The following TSPAN11 variants were observed in gnomAD, a reference collection of about 807,000 sequenced individuals.
TSPAN11 encodes the protein tetraspanin 11, also known as tetraspanin-11.
Under a neutral mutation model 32.9 loss-of-function variants are expected in TSPAN11, and 29 were observed. The ratio of observed to expected loss-of-function variants is 0.88; its 90% CI spans 0.66 to 1.20. TSPAN11 has a LOEUF of 1.20. Among genes scored for constraint, TSPAN11 ranks in the 50% most tolerant of loss-of-function variants. The pLI, the probability that TSPAN11 is intolerant of heterozygous loss-of-function variation, is 0.00. For synonymous variants in TSPAN11, 140 were observed against 141.3 expected, an observed-to-expected ratio of 0.99 and a Z score of 0.07; for missense variants, 283 against 329.1, an observed-to-expected ratio of 0.86 and a Z score of 1.08.
intron 1 of TSPAN11, among the ~76,000 whole-genome samples, chr12:30,927,511 T>C (rs1031129358): frequency 2.0e-5 from 3 of 151,836 alleles, no homozygotes; most frequent in Non-Finnish European, 2.9e-5. Flanking sequence ...TTAACTTGAG[T>C]CTAAGCTGCT....
At position 30,963,941 on chromosome 12, in the gene TSPAN11, C is replaced by G. The variant is rs145078714; in HGVS notation, c.200C>G (p.Ala67Gly). Reference sequence around the variant, plus strand: ...GCCTCCGCCTACATCCTCATCTTTGCGGGCGTACTTGTCATGGTGACCGGC... The same window carrying G: ...GCCTCCGCCTACATCCTCATCTTTGGGGGCGTACTTGTCATGGTGACCGGC... ...FAASAYILIF[A>G]GVLVMVTGFL... is the part of the protein sequence containing the mutation. Residue 67 changes from alanine (A) to glycine (G), a missense_variant, in exon 3 of 8, where the codon GCG becomes GGG. Ala to Gly is a moderately conservative substitution (Grantham distance 60). Coordinates refer to ENST00000546076, the MANE Select transcript of TSPAN11 (RefSeq NM_001370302.1). The G allele has an allele frequency of 8.7e-6, 14 of 1,614,046 alleles. No homozygotes were observed. Among genetic ancestry groups the G allele is most frequent in the Non-Finnish European group, 1.2e-5 (14 of 1,180,024 alleles).
chr12:30,944,885 C>T (rs1402808911), intron 1 of TSPAN11, among the ~76,000 whole-genome samples: 1 of 152,350 alleles, frequency 6.6e-6, no homozygotes, highest in African/African-American at 2.4e-5. Context: ...AGTCCCCCAA[C>T]CTGAGCTTTT....
At chr12:30,987,755 G>A (rs1939228165) in intron 7 of TSPAN11, among the ~76,000 whole-genome samples, 1 of 152,184 alleles carries the variant, frequency 6.6e-6, no homozygotes, top group Non-Finnish European at 1.5e-5. Context: ...GGGAGTGTGG[G>A]GCCCAGAAGT....
chr12:30,972,305 G>T (rs1178584696), intron 3 of TSPAN11, among the ~76,000 whole-genome samples: 3 of 152,190 alleles, frequency 2.0e-5, no homozygotes, highest in Non-Finnish European at 4.4e-5. Flanking sequence ...AGGAGGGCAA[G>T]CAGGGATCAG....
intron 3 of TSPAN11, among the ~76,000 whole-genome samples, chr12:30,976,576 A>C (rs530107931): frequency 6.6e-6 from 1 of 152,106 alleles, no homozygotes; most frequent in Non-Finnish European, 1.5e-5. Context: ...TCAGTACCAC[A>C]CGCAGACCCA....
chr12:30,953,881 T>C (rs1222047531), intron 1 of TSPAN11, 100 bp from the exon 2 acceptor site: 20 of 788,372 alleles, frequency 2.5e-5, no homozygotes, highest in Non-Finnish European at 3.9e-5. Context: ...GATAGGTTAA[T>C]GAGCCCTTTG....
chr12:30,955,300 A>T (rs1938457140), intron 2 of TSPAN11: 1 of 152,230 alleles, frequency 6.6e-6, no homozygotes. Flanking sequence ...TGAAGTTGTG[A>T]TGATGAAGAT....
chr12:30,983,159 C>T lies in TSPAN11; in HGVS notation c.702+9C>T, dbSNP rs370867994. On this transcript the variant is annotated intron_variant, in intron 7 of 7. Coordinates refer to ENST00000546076, the MANE Select transcript of TSPAN11 (RefSeq NM_001370302.1). ...GGGTGGCCTGCCTGCAGGTGAGTTG[C>T]AGTGCGGGGACTGGTGGGGGTGGAA... 22 of 1,608,840 alleles carry T rather than the reference C, an allele frequency of 1.4e-5. No homozygotes were observed. The African/African-American group carries it at 2.4e-4, about 18-fold the overall frequency.
intron 7 of TSPAN11, among the ~76,000 whole-genome samples, chr12:30,988,039 C>A (rs1263219314): frequency 6.6e-6 from 1 of 152,228 alleles, no homozygotes; most frequent in Non-Finnish European, 1.5e-5. Flanking sequence ...AAGGGAGAAT[C>A]CCCTGCACTT....
chr12:30,985,917 T>C (rs1939192807), intron 7 of TSPAN11, among the ~76,000 whole-genome samples: 1 of 152,252 alleles, frequency 6.6e-6, no homozygotes, highest in African/African-American at 2.4e-5. Flanking sequence ...TGCTATGGAA[T>C]GGCTTTTGGT....
At chr12:30,960,193 G>C (rs908387521) in intron 2 of TSPAN11, among the ~76,000 whole-genome samples, 1 of 151,894 alleles carries the variant, frequency 6.6e-6, no homozygotes, top group Non-Finnish European at 1.5e-5. Context: ...GAGCACAGAT[G>C]ATGAGTGTGG....
chr12:30,979,535 C>T (rs1939044883), intron 4 of TSPAN11, 31 bp from the exon 5 acceptor site: 1 of 1,610,014 alleles, frequency 6.2e-7, no homozygotes, highest in Non-Finnish European at 8.5e-7. Context: ...GCTGGTCCCG[C>T]TGATGGGGAC....
At chr12:30,986,498 C>A (rs1272082510) in intron 7 of TSPAN11, among the ~76,000 whole-genome samples, 1 of 152,226 alleles carries the variant, frequency 6.6e-6, no homozygotes, top group Non-Finnish European at 1.5e-5. Context: ...ACGGCCTCCC[C>A]TCACTGCCCT....
At chr12:30,957,946 CAA>C (rs1478371254) in intron 2 of TSPAN11, among the ~76,000 whole-genome samples, 2 of 149,336 alleles carry the variant, frequency 1.3e-5, no homozygotes, top group African/African-American at 4.9e-5. Context: ...GAAGTTTAAT[CAA>C]GAGGCTAAAA....
At chr12:31,005,464 G>C in the TSPAN11 span, among the ~76,000 whole-genome samples, 2 of 152,188 alleles carry the variant, frequency 1.3e-5, no homozygotes, top group Admixed American at 1.3e-4. Context: ...GGAAGGGCAG[G>C]AGACAGACAC....
downstream of TSPAN11, among the ~76,000 whole-genome samples, chr12:31,000,739 A>G (rs540736690): frequency 2.0e-5 from 3 of 152,348 alleles, no homozygotes; most frequent in East Asian, 5.8e-4. Context: ...AATGTTTTGC[A>G]AGCTATGAAG....
At chr12:30,930,214 G>A (rs1282510286) in intron 1 of TSPAN11, among the ~76,000 whole-genome samples, 1 of 152,154 alleles carries the variant, frequency 6.6e-6, no homozygotes, top group Non-Finnish European at 1.5e-5. Context: ...AATATACACT[G>A]TACATGTATG....
chr12:30,991,730 C>T, intron 7 of TSPAN11, 126 bp from the exon 8 acceptor site: 1 of 958,434 alleles, frequency 1.0e-6, no homozygotes, highest in Admixed American at 2.0e-5. Context: ...CAGTTTTGAG[C>T]AGGAATCTGC....
At chr12:30,945,887 T>A (rs567967700) in intron 1 of TSPAN11, among the ~76,000 whole-genome samples, 60 of 152,314 alleles carry the variant, frequency 3.9e-4, no homozygotes, top group African/African-American at 1.4e-3. Flanking sequence ...ATCCCAGCTT[T>A]GTTCTGCAGT....
Sources: gnomAD v4.1 joint callset for allele counts (sites outside exome capture counted in the v4.1 genomes callset) on GRCh38, gnomAD v4.1.1 for gene constraint, MANE v1.5 for transcripts, NCBI Gene and HGNC (gene_info 2026-07-23, HGNC 2026-07-21) for gene names.